SORCS2: variants seen among roughly 807,000 people sequenced by gnomAD.
The protein encoded by SORCS2 is sortilin related VPS10 domain containing receptor 2, also known as VPS10 domain-containing receptor SorCS2.
A neutral mutation model predicts 141.6 loss-of-function variants in SORCS2; 100 were observed. That is an observed-to-expected ratio of 0.71 (90% CI 0.60 to 0.83). The LOEUF is 0.83. Among genes scored for constraint, SORCS2 ranks in the 40% least tolerant of loss-of-function variants. The pLI is 0.00. For missense variants in SORCS2, 1,646 were observed against 1,560.2 expected, an observed-to-expected ratio of 1.05 and a Z score of -0.93; for synonymous variants, 789 against 676.9, an observed-to-expected ratio of 1.17 and a Z score of -2.57.
At chr4:7,406,901 A>G (rs918745100) in intron 2 of SORCS2, among the ~76,000 whole-genome samples, 3 of 151,996 alleles carry the variant, frequency 2.0e-5, no homozygotes, top group African/African-American at 7.2e-5. Context: ...GTTTGTTTCA[A>G]GAAATTTTAT....
intron 10 of SORCS2, among the ~76,000 whole-genome samples, chr4:7,685,981 A>G (rs764488920): frequency 6.6e-6 from 1 of 152,236 alleles, no homozygotes; most frequent in Non-Finnish European, 1.5e-5. Context: ...CAGAAAAACA[A>G]TAACTGGGCA....
At chr4:7,510,243 C>T (rs927792404) in intron 2 of SORCS2, among the ~76,000 whole-genome samples, 8 of 152,222 alleles carry the variant, frequency 5.3e-5, no homozygotes, top group African/African-American at 1.2e-4. Context: ...GGGGCTGAGG[C>T]TCCCTCCGCT....
chr4:7,303,220 C>T (rs539282868), intron 1 of SORCS2, among the ~76,000 whole-genome samples: 16 of 152,142 alleles, frequency 1.1e-4, no homozygotes, highest in African/African-American at 2.2e-4. Context: ...AGTAAACTCC[C>T]GAGGGAAACC....
At chr4:7,438,346 C>T (rs980201055) in intron 2 of SORCS2, among the ~76,000 whole-genome samples, 11 of 152,290 alleles carry the variant, frequency 7.2e-5, no homozygotes, top group Admixed American at 5.9e-4. Flanking sequence ...GTGTGGGGGG[C>T]CATTGTTGAT....
intron 12 of SORCS2, 70 bp from the exon 13 acceptor site, chr4:7,703,210 A>G: frequency 7.8e-7 from 1 of 1,277,432 alleles, no homozygotes; most frequent in Non-Finnish European, 1.1e-6. Context: ...TCCTCCCAGG[A>G]GCCGCTCAGC....
chr4:7,739,888 C>G (rs1445585171), intron 26 of SORCS2, among the ~76,000 whole-genome samples: 1 of 152,224 alleles, frequency 6.6e-6, no homozygotes, highest in Non-Finnish European at 1.5e-5. Flanking sequence ...GCCCCTCTCG[C>G]ACCCCCTTGC....
intron 1 of SORCS2, among the ~76,000 whole-genome samples, chr4:7,382,438 G>C (rs951686224): frequency 2.0e-5 from 3 of 152,080 alleles, no homozygotes; most frequent in Non-Finnish European, 2.9e-5. Context: ...CCCCTCCTGA[G>C]ACAGCCCCAG....
intron 1 of SORCS2, among the ~76,000 whole-genome samples, chr4:7,344,037 T>C (rs941866818): frequency 6.6e-6 from 1 of 152,206 alleles, no homozygotes; most frequent in Admixed American, 6.5e-5. Flanking sequence ...CCCAAGATGT[T>C]CTTTCTCCTT....
chr4:7,641,814 A>ATGGATGGG (rs1720750571), intron 4 of SORCS2, among the ~76,000 whole-genome samples: 2 of 108,236 alleles, frequency 1.8e-5, no homozygotes, highest in Non-Finnish European at 3.8e-5. Flanking sequence ...GGATGGATGG[A>ATGGATGGG]TGGGTGGGTG....
intron 1 of SORCS2, among the ~76,000 whole-genome samples, chr4:7,243,187 C>G (rs1206532756): frequency 3.9e-5 from 6 of 152,218 alleles, no homozygotes; most frequent in Non-Finnish European, 8.8e-5. Flanking sequence ...GTGGGATGTT[C>G]TGGTCTCGCC....
At chr4:7,710,673 A>T (rs1264190034) in intron 14 of SORCS2, among the ~76,000 whole-genome samples, 2 of 152,172 alleles carry the variant, frequency 1.3e-5, no homozygotes, top group East Asian at 3.9e-4. Context: ...TGGCACCCTC[A>T]TCCCAATCAC....
chr4:7,424,737 G>C (rs1296871934), intron 2 of SORCS2, among the ~76,000 whole-genome samples: 1 of 152,218 alleles, frequency 6.6e-6, no homozygotes, highest in Non-Finnish European at 1.5e-5. Flanking sequence ...CGGGCACCGT[G>C]GTGGGTGTTC....
chr4:7,320,588 AAC>A (rs1176899997), intron 1 of SORCS2, among the ~76,000 whole-genome samples: 1 of 152,228 alleles, frequency 6.6e-6, no homozygotes, highest in African/African-American at 2.4e-5. Context: ...GGGGTTTAGA[AAC>A]ACAAACACAG....
At chr4:7,263,801 G>A (rs999098359) in intron 1 of SORCS2, among the ~76,000 whole-genome samples, 4 of 152,174 alleles carry the variant, frequency 2.6e-5, no homozygotes, top group African/African-American at 7.2e-5. Flanking sequence ...AGCCAGGGCT[G>A]GGCAAGTGCC....
intron 1 of SORCS2, among the ~76,000 whole-genome samples, chr4:7,251,538 T>A (rs1713509696): frequency 6.6e-6 from 1 of 152,120 alleles, no homozygotes; most frequent in South Asian, 2.1e-4. Context: ...AAGTACTGGA[T>A]CAAGATGACC....
At chr4:7,322,133 C>T (rs1328183160) in intron 1 of SORCS2, among the ~76,000 whole-genome samples, 1 of 152,154 alleles carries the variant, frequency 6.6e-6, no homozygotes, top group Non-Finnish European at 1.5e-5. Context: ...GCTCATTAGA[C>T]CAGATGCTGC....
intron 1 of SORCS2, among the ~76,000 whole-genome samples, chr4:7,382,712 G>A (rs4234802): frequency 0.78 from 117,736 of 151,738 alleles, 45,658 homozygotes; most frequent in East Asian, 0.84. Context: ...GAGAATCAGC[G>A]TACGGGGGCT....
At chr4:7,350,094 T>C (rs966898525) in intron 1 of SORCS2, among the ~76,000 whole-genome samples, 3 of 152,116 alleles carry the variant, frequency 2.0e-5, no homozygotes, top group Non-Finnish European at 2.9e-5. Flanking sequence ...GCGAAAAGGG[T>C]ATTTTCATGC....
intron 5 of SORCS2, among the ~76,000 whole-genome samples, chr4:7,654,800 C>G (rs962819385): frequency 1.3e-5 from 2 of 152,220 alleles, no homozygotes; most frequent in Non-Finnish European, 2.9e-5. Context: ...GACAAGCCCC[C>G]ACCCTGGCCT....
Sources: gnomAD v4.1 joint callset for allele counts (sites outside exome capture counted in the v4.1 genomes callset) on GRCh38, gnomAD v4.1.1 for gene constraint, MANE v1.5 for transcripts, NCBI Gene and HGNC (gene_info 2026-07-23, HGNC 2026-07-21) for gene names.